The following WBP1L variants were observed in gnomAD, a reference collection of about 807,000 sequenced individuals.
WBP1L encodes the protein WW domain binding protein 1-like.
In WBP1L, 17 loss-of-function variants were observed where a neutral mutation model predicts 33.7. The observed-to-expected ratio is 0.50, with a 90% CI of 0.34 to 0.76. The LOEUF (loss-of-function observed/expected upper bound fraction) is 0.76. Ranked by LOEUF, WBP1L falls within the 30% of genes least tolerant of loss-of-function variation. WBP1L has a pLI of 0.01. For missense variants in WBP1L, 389 were observed against 469.4 expected (o/e 0.83, Z 1.58); for synonymous variants, 173 against 190.8 (o/e 0.91, Z 0.77).
intron 1 of WBP1L, among the ~76,000 whole-genome samples, chr10:102,770,267 C>T (rs1843169912): frequency 6.6e-6 from 1 of 152,090 alleles, no homozygotes; most frequent in Admixed American, 6.5e-5. Context: ...TGAGTTAGAA[C>T]TCTGAGGCAT....
intron 1 of WBP1L, among the ~76,000 whole-genome samples, chr10:102,789,949 AG>A (rs1270534728): frequency 2.0e-5 from 3 of 152,022 alleles, no homozygotes; most frequent in Non-Finnish European, 4.4e-5. Context: ...AGTGTTAGCC[AG>A]GATGGTCTCG....
At position 102,812,920 on chromosome 10, in the gene WBP1L, G is replaced by A. The variant is rs1411608010; in HGVS notation, c.681G>A (p.Leu227=). 2 of 1,587,234 alleles carry A rather than the reference G, an allele frequency of 1.3e-6. No homozygotes were observed. The highest frequency in any genetic ancestry group is 2.3e-5 in the South Asian group (2 of 87,358). Residue 227 remains leucine, a synonymous_variant, in exon 4 of 4, where the codon CTG becomes CTA. Transcript: ENST00000448841. The part of the protein sequence containing the change: ...PSGSVAGLGE[L]DPGAFLDKDA... ...GCTCTGTGGCTGGCCTGGGGGAGCTGGACCCGGGGGCCTTCCTGGACAAAG... is the reference window on the plus strand; with the variant it reads ...GCTCTGTGGCTGGCCTGGGGGAGCTAGACCCGGGGGCCTTCCTGGACAAAG...
intron 1 of WBP1L, among the ~76,000 whole-genome samples, chr10:102,747,792 T>A (rs1263589336): frequency 2.6e-5 from 4 of 152,090 alleles, no homozygotes; most frequent in African/African-American, 4.8e-5. Context: ...CCTCCCAGAG[T>A]GTTGGGATTA....
rs397961661 is a variant in WBP1L, at chr10:102,782,214, C to CTTTTTTTT, written c.91-15762_91-15755dup. ...CAACCATCTCTGTTGAAAGAAGCTG[C>CTTTTTTTT]TTTTTTTTTTTTTTTTTTTTTTTTG... On this transcript the variant is annotated intron_variant, in intron 1 of 3. Transcript: ENST00000448841. Among the ~76,000 whole-genome samples, 19 of 49,154 alleles carry CTTTTTTTT rather than the reference C, an allele frequency of 3.9e-4. 1 individual carries two copies. Among genetic ancestry groups the CTTTTTTTT allele is most frequent in the South Asian group, 3.2e-3 (3 of 944 alleles). 32.2% of individuals were successfully genotyped at this position (49,154 alleles called of 152,430 possible).
intron 1 of WBP1L, among the ~76,000 whole-genome samples, chr10:102,756,138 C>T (rs1288503362): frequency 3.3e-5 from 5 of 151,582 alleles, no homozygotes; most frequent in Admixed American, 6.6e-5. Context: ...TGTGGCCGTG[C>T]GTGGTGGCTC....
chr10:102,812,242 T>C (rs780178027), intron 3 of WBP1L, among the ~76,000 whole-genome samples: 3 of 152,202 alleles, frequency 2.0e-5, no homozygotes, highest in Non-Finnish European at 4.4e-5. Context: ...ACATGAGACT[T>C]GTGTGCATGT....
At chr10:102,802,330 A>G (rs1843669445) in intron 2 of WBP1L, among the ~76,000 whole-genome samples, 1 of 149,714 alleles carries the variant, frequency 6.7e-6, no homozygotes, top group Non-Finnish European at 1.5e-5. Context: ...TTTTGTAGAG[A>G]TAAGGTTTCG....
intron 1 of WBP1L, among the ~76,000 whole-genome samples, chr10:102,753,125 A>G (rs770108664): frequency 2.6e-5 from 4 of 152,144 alleles, no homozygotes; most frequent in Non-Finnish European, 5.9e-5. Context: ...CATGGACACC[A>G]CTGGGGCCGC....
intron 3 of WBP1L, among the ~76,000 whole-genome samples, chr10:102,810,893 T>C (rs1273908407): frequency 7.2e-6 from 1 of 138,426 alleles, no homozygotes; most frequent in Non-Finnish European, 1.6e-5. Flanking sequence ...CTCTTTTCCT[T>C]TCCCTCCCCT....
At position 102,812,883 on chromosome 10, in the gene WBP1L, T is replaced by C. The variant is rs1357468913; in HGVS notation, c.644T>C (p.Met215Thr). The change falls in exon 4 of 4, where the codon ATG (methionine) becomes ACG (threonine). Residue 215 changes from methionine to threonine, a missense_variant. By Grantham distance (81) the Met-to-Thr change is moderately conservative. Transcript: ENST00000448841. ...CGAGCAGCCACCAAAGCCCCAGGGA[T>C]GGAGCCCAGTGGCTCTGTGGCTGGC... ...VDRAATKAPG[M>T]EPSGSVAGLG... The C allele has an allele frequency of 1.3e-6, 2 of 1,573,940 alleles. No individual in the cohort carries two copies. Among genetic ancestry groups the C allele is most frequent in the Admixed American group, 3.6e-5 (2 of 56,296 alleles).
chr10:102,783,078 C>T (rs1329348862), intron 1 of WBP1L, among the ~76,000 whole-genome samples: 1 of 152,154 alleles, frequency 6.6e-6, no homozygotes, highest in Non-Finnish European at 1.5e-5. Context: ...GTTTGAATAC[C>T]TGTGATCTCC....
intron 1 of WBP1L, among the ~76,000 whole-genome samples, chr10:102,783,015 T>C (rs1458031318): frequency 6.6e-6 from 1 of 152,148 alleles, no homozygotes; most frequent in Non-Finnish European, 1.5e-5. Flanking sequence ...CAATTGATCT[T>C]GTGGTTTCCA....
intron 1 of WBP1L, among the ~76,000 whole-genome samples, chr10:102,775,095 G>T (rs531763995): frequency 7.6e-6 from 1 of 130,854 alleles, no homozygotes; most frequent in Non-Finnish European, 1.5e-5. Context: ...TCCAGCCTGG[G>T]TAACAGAGTG....
intron 1 of WBP1L, among the ~76,000 whole-genome samples, chr10:102,795,885 T>G (rs1843566770): frequency 6.6e-6 from 1 of 152,112 alleles, no homozygotes; most frequent in African/African-American, 2.4e-5. Context: ...TAGATCTGCT[T>G]TTTCCACACG....
chr10:102,752,313 T>A lies in WBP1L; in HGVS notation c.90+8170T>A, dbSNP rs564152347. ...CTGTTCATTATTGCAGAGCTTGGGG[T>A]CAGCTTTCTTGCAAGAACAACATAG... On this transcript the variant is annotated intron_variant, in intron 1 of 3. Coordinates refer to ENST00000448841, the MANE Select transcript of WBP1L (RefSeq NM_001083913.2). 1.9e-3 allele frequency among the ~76,000 whole-genome samples: 284 copies of A among 152,220 alleles called. 1 individual carries two copies. Among genetic ancestry groups the A allele is most frequent in the African/African-American group, 6.4e-3 (264 of 41,534 alleles).
intron 2 of WBP1L, chr10:102,804,142 A>C (rs1843698196): frequency 6.6e-6 from 1 of 152,106 alleles, no homozygotes; most frequent in African/African-American, 2.4e-5. Context: ...TAATCCCAGC[A>C]CTTTGGGAGG....
intron 1 of WBP1L, among the ~76,000 whole-genome samples, chr10:102,765,553 C>T (rs1169422141): frequency 6.6e-6 from 1 of 152,150 alleles, no homozygotes; most frequent in Non-Finnish European, 1.5e-5. Context: ...TCTTTAGTCA[C>T]GTCTTTATCT....
At chr10:102,777,982 G>A (rs1342100183) in intron 1 of WBP1L, among the ~76,000 whole-genome samples, 1 of 152,232 alleles carries the variant, frequency 6.6e-6, no homozygotes. Flanking sequence ...GGCTGGTAGG[G>A]TGAAAACTGC....
rs748055033 is a variant in WBP1L, at chr10:102,809,953, G to A, written c.254G>A (p.Arg85His). The A allele has an allele frequency of 8.1e-6, 13 of 1,613,840 alleles. No individual in the cohort carries two copies. Among genetic ancestry groups the A allele is most frequent in the Admixed American group, 3.3e-5 (2 of 60,012 alleles). ...AGCTGCTGCTGTGTTTGCCACCACC[G>A]CCGAGCCAAGCACCGCCTTCAGGCC... is the stretch of plus-strand genomic sequence containing the variant. ...ILSCCCVCHH[R>H]RAKHRLQAQQ... The change falls in exon 3 of 4, where the codon CGC (arginine) becomes CAC (histidine). Residue 85 changes from arginine to histidine, a missense_variant. Coordinates refer to ENST00000448841, the MANE Select transcript of WBP1L (RefSeq NM_001083913.2).
Sources: gnomAD v4.1 joint callset for allele counts (sites outside exome capture counted in the v4.1 genomes callset) on GRCh38, gnomAD v4.1.1 for gene constraint, MANE v1.5 for transcripts, NCBI Gene and HGNC (gene_info 2026-07-23, HGNC 2026-07-21) for gene names.